PRKCE: variants seen among roughly 807,000 people sequenced by gnomAD.
PRKCE encodes protein kinase C epsilon type.
A neutral mutation model predicts 85.4 loss-of-function variants in PRKCE; 16 were observed. The observed-to-expected ratio is 0.19, with a 90% confidence interval of 0.13 to 0.28. The LOEUF (loss-of-function observed/expected upper bound fraction) is 0.28, where lower values mean the gene tolerates loss of function less well. Ranked by LOEUF, PRKCE falls within the 10% of genes least tolerant of loss-of-function variation. PRKCE has a pLI of 1.00. For missense variants in PRKCE, 573 were observed against 975.2 expected, an observed-to-expected ratio of 0.59 and a Z score of 5.49; for synonymous variants, 388 against 371.5, an observed-to-expected ratio of 1.04 and a Z score of -0.51.
intron 1 of PRKCE, among the ~76,000 whole-genome samples, chr2:45,802,685 C>T (rs762502856): frequency 3.9e-5 from 6 of 152,306 alleles, no homozygotes; most frequent in East Asian, 1.9e-4. Flanking sequence ...CTTCACAGCC[C>T]GGGATTTGAC....
At chr2:46,047,114 C>A (rs1037578173) in intron 10 of PRKCE, among the ~76,000 whole-genome samples, 1 of 152,162 alleles carries the variant, frequency 6.6e-6, no homozygotes, top group African/African-American at 2.4e-5. Flanking sequence ...GCATCTTGTT[C>A]CTGGAGACCC....
intron 1 of PRKCE, among the ~76,000 whole-genome samples, chr2:45,797,033 G>A (rs1333483050): frequency 2.0e-5 from 3 of 152,146 alleles, no homozygotes; most frequent in South Asian, 2.1e-4. Context: ...GGTACAAGAG[G>A]GTGAATCCCT....
intron 2 of PRKCE, among the ~76,000 whole-genome samples, chr2:45,884,988 TA>T (rs56367333): frequency 0.022 from 1,494 of 68,570 alleles, 82 homozygotes; most frequent in East Asian, 0.049. Flanking sequence ...TATATATATA[TA>T]TATATATATA....
At chr2:45,776,959 A>G (rs1685800436) in intron 1 of PRKCE, among the ~76,000 whole-genome samples, 1 of 152,154 alleles carries the variant, frequency 6.6e-6, no homozygotes, top group South Asian at 2.1e-4. Flanking sequence ...TATAACTAAA[A>G]ACCCCTTAGA....
intron 11 of PRKCE, among the ~76,000 whole-genome samples, chr2:46,123,214 CTTTT>C (rs70937991): frequency 2.9e-4 from 8 of 27,364 alleles, no homozygotes; most frequent in South Asian, 2.8e-3. Flanking sequence ...AAACACTTGC[CTTTT>C]TTTTTTTTTT....
chr2:45,766,650 A>G (rs752131374), intron 1 of PRKCE, among the ~76,000 whole-genome samples: 109 of 152,226 alleles, frequency 7.2e-4, no homozygotes, highest in Non-Finnish European at 7.9e-4. Flanking sequence ...GGCAGGGTAC[A>G]TGTTGGTTAG....
chr2:45,819,738 G>T (rs111277512), intron 1 of PRKCE, among the ~76,000 whole-genome samples: 9 of 152,202 alleles, frequency 5.9e-5, no homozygotes, highest in Non-Finnish European at 1.2e-4. Context: ...GAGAGCCATC[G>T]ACTAGAGCTT....
intron 2 of PRKCE, among the ~76,000 whole-genome samples, chr2:45,891,001 C>A (rs1333322375): frequency 6.6e-6 from 1 of 152,174 alleles, no homozygotes; most frequent in Non-Finnish European, 1.5e-5. Context: ...GTCTGCTCAG[C>A]AGAGCTGGAG....
chr2:46,142,433 A>C (rs755152012), intron 11 of PRKCE, among the ~76,000 whole-genome samples: 4 of 152,214 alleles, frequency 2.6e-5, no homozygotes, highest in Non-Finnish European at 5.9e-5. Context: ...TTAAGTCCCT[A>C]ACTCTTCCTG....
At chr2:45,749,918 G>C (rs1159803704) in intron 1 of PRKCE, among the ~76,000 whole-genome samples, 5 of 152,196 alleles carry the variant, frequency 3.3e-5, no homozygotes, top group African/African-American at 9.7e-5. Flanking sequence ...GAGGTATTTA[G>C]AGGAGTCAAG....
At chr2:46,171,499 G>A (rs776478012) in intron 14 of PRKCE, among the ~76,000 whole-genome samples, 1 of 152,204 alleles carries the variant, frequency 6.6e-6, no homozygotes, top group Non-Finnish European at 1.5e-5. Context: ...GATGCCTCCC[G>A]GCAGTTCATC....
At position 46,155,869 on chromosome 2, in the gene PRKCE, C is replaced by G. The variant is rs188524685; in HGVS notation, c.1921-3737C>G. Among the ~76,000 whole-genome samples, 14 of 152,236 alleles carry G rather than the reference C, an allele frequency of 9.2e-5. No homozygotes were observed. The highest frequency in any genetic ancestry group is 2.6e-4 in the African/African-American group (11 of 41,548). On this transcript the variant is annotated intron_variant, in intron 13 of 14. Transcript: ENST00000306156. The surrounding 1 kb of genome is among the most constrained non-coding windows in gnomAD (Gnocchi z 4.7). ...ACTGCAGGACCTCCTAACGGGCAGC[C>G]CTTCTTGTGTCCTTCTCATCTCTGT... is the stretch of plus-strand genomic sequence containing the variant.
chr2:45,962,258 C>G (rs1336918734), intron 2 of PRKCE, among the ~76,000 whole-genome samples: 1 of 152,184 alleles, frequency 6.6e-6, no homozygotes, highest in Non-Finnish European at 1.5e-5. Context: ...TACTTTCCCC[C>G]CAGGGCCCTA....
intron 2 of PRKCE, among the ~76,000 whole-genome samples, chr2:45,936,777 A>G (rs1457185207): frequency 6.6e-6 from 1 of 152,208 alleles, no homozygotes; most frequent in Non-Finnish European, 1.5e-5. Context: ...TGGAGGACCC[A>G]AAGATTTTCC....
intron 2 of PRKCE, among the ~76,000 whole-genome samples, chr2:45,871,924 A>G (rs1297681167): frequency 2.0e-5 from 3 of 152,186 alleles, no homozygotes; most frequent in Non-Finnish European, 4.4e-5. Flanking sequence ...CAGCTAGAGC[A>G]GAACTCCTGT....
intron 2 of PRKCE, among the ~76,000 whole-genome samples, chr2:45,855,827 C>G (rs1025835905): frequency 2.0e-5 from 3 of 152,068 alleles, no homozygotes; most frequent in Admixed American, 6.5e-5. Context: ...TGATGTATTG[C>G]CATAAATGGG....
chr2:45,850,290 G>A (rs114516344), intron 2 of PRKCE, among the ~76,000 whole-genome samples: 1 of 152,318 alleles, frequency 6.6e-6, no homozygotes, highest in African/African-American at 2.4e-5. Context: ...TAGTTACAGT[G>A]AAGAAATAAG....
intron 11 of PRKCE, among the ~76,000 whole-genome samples, chr2:46,098,048 T>C (rs58166457): frequency 0.023 from 3,507 of 152,324 alleles, 88 homozygotes; most frequent in East Asian, 0.098. Context: ...ACAGGAAGTT[T>C]GGAACCAAAG....
At chr2:46,174,191 G>A (rs1679192049) in intron 14 of PRKCE, among the ~76,000 whole-genome samples, 1 of 152,236 alleles carries the variant, frequency 6.6e-6, no homozygotes, top group African/African-American at 2.4e-5. Flanking sequence ...CTGAGGCTTG[G>A]GCAGCTTGTC....
Sources: allele counts gnomAD v4.1 joint callset (sites outside exome capture counted in the v4.1 genomes callset), GRCh38; gene constraint gnomAD v4.1.1; non-coding constraint Gnocchi (gnomAD v3.1); transcripts MANE v1.5; gene names NCBI Gene and HGNC (gene_info 2026-07-23, HGNC 2026-07-21).